SHROOM3: variants seen among roughly 807,000 people sequenced by gnomAD.
SHROOM3 encodes protein Shroom3.
Under a neutral mutation model 138.6 loss-of-function variants are expected in SHROOM3, and 47 were observed. That is an observed-to-expected ratio of 0.34 (90% CI 0.27 to 0.43). The LOEUF (loss-of-function observed/expected upper bound fraction) is 0.43, where lower values mean the gene tolerates loss of function less well. SHROOM3 is among the 20% of genes least tolerant of loss of function. SHROOM3 has a pLI of 1.00. For missense variants in SHROOM3, 2,491 were observed against 2,596.5 expected (o/e 0.96, Z 0.88); for synonymous variants, 1,062 against 1,063.3 (o/e 1.00, Z 0.02).
intron 10 of SHROOM3, among the ~76,000 whole-genome samples, chr4:76,775,986 A>G (rs570216265): frequency 6.6e-6 from 1 of 152,124 alleles, no homozygotes; most frequent in Admixed American, 6.5e-5. Context: ...CTCTGGATAG[A>G]TACCCAGTAG....
At chr4:76,678,071 G>C (rs1010587054) in intron 2 of SHROOM3, among the ~76,000 whole-genome samples, 3 of 152,182 alleles carry the variant, frequency 2.0e-5, no homozygotes, top group African/African-American at 7.2e-5. Flanking sequence ...GAGAATAAGA[G>C]AGGTGAATTA....
chr4:76,508,685 G>A (rs549089580), intron 1 of SHROOM3, among the ~76,000 whole-genome samples: 10 of 152,248 alleles, frequency 6.6e-5, no homozygotes, highest in South Asian at 2.1e-4. Context: ...CAATGAACGT[G>A]GGATGTCCTT....
chr4:76,670,651 A>G (rs558233464), intron 2 of SHROOM3, among the ~76,000 whole-genome samples: 2 of 152,358 alleles, frequency 1.3e-5, no homozygotes, highest in Non-Finnish European at 2.9e-5. Flanking sequence ...GCATAACTGT[A>G]TAAATCAAGA....
rs879284299 is a variant in SHROOM3, at chr4:76,739,512, A to G, written c.1339A>G (p.Lys447Glu). The change falls in exon 5 of 11, where the codon AAG (lysine) becomes GAG (glutamate). Residue 447 changes from lysine (K) to glutamate (E), a missense_variant. Coordinates refer to ENST00000296043, the MANE Select transcript of SHROOM3 (RefSeq NM_020859.4). ...EKSPENSPPV[K>E]PKHNYTQKAQ... is the part of the protein sequence containing the mutation. ...GAGTCCAGAGAACAGCCCCCCAGTGAAGCCCAAGCATAACTATACCCAGAA... is the reference window on the plus strand; with the variant it reads ...GAGTCCAGAGAACAGCCCCCCAGTGGAGCCCAAGCATAACTATACCCAGAA... The G allele has an allele frequency of 6.2e-7, 1 of 1,614,100 alleles. No individual in the cohort carries two copies. The highest frequency in any genetic ancestry group is 8.5e-7 in the Non-Finnish European group (1 of 1,179,956).
At chr4:76,437,590 C>T (rs2109961665) in intron 1 of SHROOM3, among the ~76,000 whole-genome samples, 3 of 152,212 alleles carry the variant, frequency 2.0e-5, no homozygotes, top group Middle Eastern at 6.8e-3. Flanking sequence ...TCTCATTAAC[C>T]AGAACTGTAC....
At chr4:76,457,787 GCTTTT>G (rs1199864298) in intron 1 of SHROOM3, among the ~76,000 whole-genome samples, 1 of 150,416 alleles carries the variant, frequency 6.6e-6, no homozygotes, top group Non-Finnish European at 1.5e-5. Context: ...ACCGAGCCTG[GCTTTT>G]CTTTTCTTTT....
At position 76,756,565 on chromosome 4, in the gene SHROOM3, A is replaced by G; in HGVS notation, c.4826A>G (p.Glu1609Gly). Residue 1609 changes from glutamate to glycine, a missense_variant, in exon 8 of 11, where the codon GAG (glutamate) becomes GGG (glycine). By Grantham distance (98) the Glu-to-Gly change is moderately conservative. Coordinates refer to ENST00000296043, the MANE Select transcript of SHROOM3 (RefSeq NM_020859.4). ...SRLQTSIKGS[E>G]AESTPPSFMS... ...CTCCAAACTTCTATCAAGGGTTCAG[A>G]GGCTGAGTCCACACCACCCTCCTTC... The G allele has an allele frequency of 6.2e-7, 1 of 1,613,518 alleles. No individual in the cohort carries two copies. The highest frequency in any genetic ancestry group is 8.5e-7 in the Non-Finnish European group (1 of 1,179,996).
intron 1 of SHROOM3, among the ~76,000 whole-genome samples, chr4:76,499,669 A>C (rs4493565): frequency 0.43 from 66,106 of 151,980 alleles, 15,573 homozygotes; most frequent in East Asian, 0.56. Flanking sequence ...GGGACGGGCC[A>C]CTGGGGAGGA....
rs577437893 is a variant in SHROOM3 at position 76,556,885 on chromosome 4, A to G, written c.323+1122A>G. Reference sequence around the variant, plus strand: ...AAAACACAGCGATGACTGTGGTCCCACTGTGTCTCCAGGCTCTAGTGACTC... The same window carrying G: ...AAAACACAGCGATGACTGTGGTCCCGCTGTGTCTCCAGGCTCTAGTGACTC... On this transcript the variant is annotated intron_variant, in intron 2 of 10. Coordinates refer to ENST00000296043, the MANE Select transcript of SHROOM3 (RefSeq NM_020859.4). Among the ~76,000 whole-genome samples, 154 of 152,264 alleles carry G rather than the reference A, an allele frequency of 1.0e-3. 1 individual carries two copies. The highest frequency in any genetic ancestry group is 6.8e-3 in the Middle Eastern group (2 of 294).
rs1201333779 is a variant in SHROOM3, at chr4:76,664,431, T to C, written c.324-45725T>C. On this transcript the variant is annotated intron_variant, in intron 2 of 10. Coordinates refer to ENST00000296043, the MANE Select transcript of SHROOM3 (RefSeq NM_020859.4). The surrounding 1 kb of genome is among the most constrained non-coding windows in gnomAD (Gnocchi z 4.2). Reference sequence around the variant, plus strand: ...GCAGCCAGAATCTTTCATTGATTAATAGTTGTGATTCTCAATCTTAGCTGC... The same window carrying C: ...GCAGCCAGAATCTTTCATTGATTAACAGTTGTGATTCTCAATCTTAGCTGC... Among the ~76,000 whole-genome samples the C allele has an allele frequency of 6.6e-6, 1 of 152,212 alleles. No homozygotes were observed. Among genetic ancestry groups the C allele is most frequent in the Non-Finnish European group, 1.5e-5 (1 of 68,038 alleles).
intron 3 of SHROOM3, among the ~76,000 whole-genome samples, chr4:76,725,446 T>C (rs1720674762): frequency 6.6e-6 from 1 of 152,240 alleles, no homozygotes; most frequent in Non-Finnish European, 1.5e-5. Flanking sequence ...TAAAATTTGT[T>C]TAATTTTTTA....
chr4:76,773,800 T>A (rs35309423), intron 10 of SHROOM3, among the ~76,000 whole-genome samples: 8,391 of 152,088 alleles, frequency 0.055, 266 homozygotes, highest in Non-Finnish European at 0.07. Flanking sequence ...ACCCCTAGAG[T>A]TCAGCTTCCT....
At chr4:76,640,109 G>A (rs551623583) in intron 2 of SHROOM3, among the ~76,000 whole-genome samples, 92 of 152,180 alleles carry the variant, frequency 6.0e-4, no homozygotes, top group African/African-American at 2.2e-3. Context: ...AGATAAAGGG[G>A]GAGTTTTCTT....
intron 2 of SHROOM3, among the ~76,000 whole-genome samples, chr4:76,625,914 C>A (rs939273681): frequency 6.6e-6 from 1 of 152,202 alleles, no homozygotes; most frequent in Non-Finnish European, 1.5e-5. Context: ...CAGTGCCTGG[C>A]ATACAGTAGC....
chr4:76,739,204 A>G lies in SHROOM3; in HGVS notation c.1031A>G (p.Tyr344Cys). 1.9e-6 allele frequency: 3 copies of G among 1,614,168 alleles called. No individual in the cohort carries two copies. Among genetic ancestry groups the G allele is most frequent in the African/African-American group, 1.3e-5 (1 of 75,048 alleles). ...EARASANGQG[Y>C]DKWSNIPRGK... ...CGAGCCTCAGCAAATGGTCAGGGCT[A>G]TGATAAATGGTCTAATATTCCTCGG... Residue 344 changes from tyrosine (Y) to cysteine (C), a missense_variant, in exon 5 of 11, where the codon TAT becomes TGT. By Grantham distance (194) the Tyr-to-Cys change is radical. This residue lies in a region of SHROOM3 where 1,733 missense variants were observed against 1,661.6 expected (regional missense o/e 1.04). Transcript: ENST00000296043.
chr4:76,753,957 G>A (rs1007200053), intron 6 of SHROOM3, among the ~76,000 whole-genome samples: 1 of 152,180 alleles, frequency 6.6e-6, no homozygotes, highest in Non-Finnish European at 1.5e-5. Context: ...GTCCTAAAAG[G>A]GGCTGAAGAA....
intron 2 of SHROOM3, among the ~76,000 whole-genome samples, chr4:76,687,585 A>G (rs1221069208): frequency 6.6e-6 from 1 of 152,196 alleles, no homozygotes. Context: ...TTGTTGCTGA[A>G]ATTTCTTCAT....
At chr4:76,480,214 C>T (rs1309581933) in intron 1 of SHROOM3, among the ~76,000 whole-genome samples, 2 of 152,136 alleles carry the variant, frequency 1.3e-5, no homozygotes, top group Non-Finnish European at 2.9e-5. Context: ...AGAGTCAAGA[C>T]CCATCGGTGT....
chr4:76,698,049 T>C (rs1290779932), intron 2 of SHROOM3, among the ~76,000 whole-genome samples: 1 of 152,172 alleles, frequency 6.6e-6, no homozygotes, highest in Non-Finnish European at 1.5e-5. Flanking sequence ...TTTCCACAAA[T>C]GGGCTGCAGT....
Sources: allele counts gnomAD v4.1 joint callset (sites outside exome capture counted in the v4.1 genomes callset), GRCh38; gene constraint gnomAD v4.1.1; regional missense constraint gnomAD v4.1.1; non-coding constraint Gnocchi (gnomAD v3.1); transcripts MANE v1.5; gene names NCBI Gene and HGNC (gene_info 2026-07-23, HGNC 2026-07-21).